KCNH5: variants seen among roughly 807,000 people sequenced by gnomAD.
The protein encoded by KCNH5 is voltage-gated delayed rectifier potassium channel KCNH5.
In KCNH5, 46 loss-of-function variants were observed where a neutral mutation model predicts 96.1. The ratio of observed to expected loss-of-function variants is 0.48; its 90% CI spans 0.38 to 0.61. The LOEUF (loss-of-function observed/expected upper bound fraction) is 0.61, where lower values mean the gene tolerates loss of function less well. KCNH5 is among the 20% of genes least tolerant of loss of function. The probability of loss-of-function intolerance (pLI) is 0.00; values close to 1 mark genes in which losing one functional copy is unlikely to be tolerated. For synonymous variants in KCNH5, 439 were observed against 449.8 expected, an observed-to-expected ratio of 0.98 and a Z score of 0.30; for missense variants, 907 against 1,225.8, an observed-to-expected ratio of 0.74 and a Z score of 3.88.
chr14:62,714,050 A>G (rs940641982), intron 10 of KCNH5, among the ~76,000 whole-genome samples: 1 of 152,146 alleles, frequency 6.6e-6, no homozygotes, highest in African/African-American at 2.4e-5. Context: ...TGGGAGGCCA[A>G]AGTGGGAGGA....
intron 8 of KCNH5, among the ~76,000 whole-genome samples, chr14:62,831,369 T>C (rs1241652865): frequency 6.6e-6 from 1 of 152,200 alleles, no homozygotes; most frequent in African/African-American, 2.4e-5. Context: ...CCTCTTAATC[T>C]GTAAATTTAG....
Position 63,045,277 on chromosome 14 carries a change from G to C in KCNH5, c.-91C>G. 9.6e-7 allele frequency: 1 copy of C among 1,042,226 alleles called. No individual in the cohort carries two copies. 64.6% of individuals were successfully genotyped at this position (1,042,226 alleles called of 1,614,324 possible). A position where few individuals can be genotyped will look rare whatever the true frequency, so the allele number is the denominator to read the frequency against. ...GGAGGAAGAGGAGGAAAAGGTGGAA[G>C]AGAAGATTGAGCCGAAAGAAGAGGG... On this transcript the variant is annotated 5_prime_UTR_variant, in exon 1 of 11. Transcript: ENST00000322893.
At chr14:62,819,054 C>T (rs1284596027) in intron 8 of KCNH5, among the ~76,000 whole-genome samples, 2 of 152,194 alleles carry the variant, frequency 1.3e-5, no homozygotes, top group South Asian at 4.1e-4. Context: ...GAAAGCTCCG[C>T]CTTCCGGGTT....
chr14:62,916,583 T>C lies in KCNH5; in HGVS notation c.1369+33550A>G, dbSNP rs555573109. 5.3e-5 allele frequency among the ~76,000 whole-genome samples: 8 copies of C among 152,340 alleles called. No individual in the cohort carries two copies. The South Asian group carries it at 1.7e-3, about 32-fold the overall frequency. On this transcript the variant is annotated intron_variant, in intron 7 of 10. Transcript: ENST00000322893. ...TGTTGTGCCATTGACGTGCCTTCTC[T>C]GATTTCTGATGAGAAAAAATGTCTT...
intron 8 of KCNH5, among the ~76,000 whole-genome samples, chr14:62,839,550 G>A (rs10140305): frequency 0.11 from 16,371 of 150,642 alleles, 1,098 homozygotes; most frequent in East Asian, 0.3. Flanking sequence ...AAACAAATAT[G>A]TGATGATTAG....
At chr14:62,878,050 A>G (rs1888412808) in intron 7 of KCNH5, among the ~76,000 whole-genome samples, 1 of 152,124 alleles carries the variant, frequency 6.6e-6, no homozygotes, top group African/African-American at 2.4e-5. Context: ...TTCTAGGGAC[A>G]TGGATGAAAT....
intron 9 of KCNH5, among the ~76,000 whole-genome samples, chr14:62,782,041 T>A (rs1886230128): frequency 6.6e-6 from 1 of 152,212 alleles, no homozygotes; most frequent in Admixed American, 6.5e-5. Context: ...ACAATCCACG[T>A]TCTTCTGCCA....
intron 8 of KCNH5, among the ~76,000 whole-genome samples, chr14:62,834,640 A>C (rs1887429138): frequency 1.3e-5 from 2 of 152,036 alleles, no homozygotes; most frequent in Non-Finnish European, 1.5e-5. Flanking sequence ...AAAAAGTCTT[A>C]AGTGGAGGTC....
At chr14:62,957,106 C>G (rs964101942) in intron 6 of KCNH5, among the ~76,000 whole-genome samples, 1 of 152,194 alleles carries the variant, frequency 6.6e-6, no homozygotes, top group African/African-American at 2.4e-5. Flanking sequence ...TAGCCAATTT[C>G]CTTACTTGAC....
At chr14:62,924,146 T>C (rs995435038) in intron 7 of KCNH5, among the ~76,000 whole-genome samples, 6 of 151,770 alleles carry the variant, frequency 4.0e-5, no homozygotes, top group African/African-American at 1.5e-4. Context: ...AACCCGACTT[T>C]AAAATGGGCA....
chr14:62,742,101 G>C (rs1201806373), intron 10 of KCNH5, among the ~76,000 whole-genome samples: 1 of 152,052 alleles, frequency 6.6e-6, no homozygotes, highest in African/African-American at 2.4e-5. Context: ...TCTGGAAACT[G>C]GTGGCATGAG....
chr14:62,854,861 A>T (rs967433052), intron 7 of KCNH5, among the ~76,000 whole-genome samples: 3 of 149,686 alleles, frequency 2.0e-5, no homozygotes, highest in African/African-American at 7.3e-5. Context: ...CACACAAAAG[A>T]TGGAATATAG....
intron 7 of KCNH5, among the ~76,000 whole-genome samples, chr14:62,902,222 T>TC (rs36031242): frequency 0.49 from 74,018 of 151,318 alleles, 18,435 homozygotes; most frequent in South Asian, 0.67. Context: ...TTTCATTAGT[T>TC]CCCATGTGTC....
At chr14:62,908,344 C>G (rs1315190308) in intron 7 of KCNH5, among the ~76,000 whole-genome samples, 1 of 152,086 alleles carries the variant, frequency 6.6e-6, no homozygotes, top group Non-Finnish European at 1.5e-5. Flanking sequence ...CAGACGGATA[C>G]GTCTGACTTT....
chr14:62,760,866 GTTAAGTA>G (rs1183511765), intron 10 of KCNH5, among the ~76,000 whole-genome samples: 1 of 152,234 alleles, frequency 6.6e-6, no homozygotes, highest in Non-Finnish European at 1.5e-5. Context: ...GGTGAGAACA[GTTAAGTA>G]TTAAGAATTC....
At chr14:63,019,123 CAT>C (rs199632765) in intron 1 of KCNH5, among the ~76,000 whole-genome samples, 2,302 of 151,744 alleles carry the variant, frequency 0.015, 62 homozygotes, top group African/African-American at 0.051. Flanking sequence ...AGAGAGCACA[CAT>C]GTTATTGGAC....
intron 8 of KCNH5, among the ~76,000 whole-genome samples, chr14:62,831,913 A>G (rs1485084364): frequency 1.3e-5 from 2 of 151,940 alleles, no homozygotes; most frequent in Non-Finnish European, 2.9e-5. Context: ...AAGTCTCACT[A>G]TGTTACCCAG....
intron 10 of KCNH5, among the ~76,000 whole-genome samples, chr14:62,778,216 A>G (rs1219562487): frequency 6.6e-6 from 1 of 152,140 alleles, no homozygotes; most frequent in Non-Finnish European, 1.5e-5. Flanking sequence ...ATCCCCTCAC[A>G]CACCCAGATC....
rs1555360148 is a variant in KCNH5 at position 62,853,462 on chromosome 14, T to TATATATATATATATATC, written c.1370-3611_1370-3610insGATATATATATATATAT. Among the ~76,000 whole-genome samples the TATATATATATATATATC allele has an allele frequency of 1.1e-3, 132 of 121,138 alleles. 1 individual carries two copies. The highest frequency in any genetic ancestry group is 4.1e-3 in the African/African-American group (129 of 31,548). The allele number at this position is 121,138 out of a possible 152,430, so 79.5% of individuals were successfully genotyped here. ...CCCAAACAAAAAGAATAATCATATA[T>TATATATATATATATATC]ATATATATATATATATATCATATAT... On this transcript the variant is annotated intron_variant, in intron 7 of 10. Transcript: ENST00000322893.
Sources: allele counts gnomAD v4.1 joint callset (sites outside exome capture counted in the v4.1 genomes callset), GRCh38; gene constraint gnomAD v4.1.1; transcripts MANE v1.5; gene names NCBI Gene and HGNC (gene_info 2026-07-23, HGNC 2026-07-21).